Variants in CENPE observed in about 807,000 individuals in gnomAD.
CENPE encodes the protein centromere protein E.
CENPE carries 145 observed loss-of-function variants against 336.1 expected under a neutral mutation model. The observed-to-expected ratio is 0.43, with a 90% confidence interval of 0.38 to 0.50. The LOEUF (loss-of-function observed/expected upper bound fraction) is 0.50. CENPE is among the 20% of genes least tolerant of loss of function. The probability of loss-of-function intolerance (pLI) is 0.00; values close to 1 mark genes in which losing one functional copy is unlikely to be tolerated. For synonymous variants in CENPE, 1,013 were observed against 984.8 expected (o/e 1.03, Z -0.54); for missense variants, 2,719 against 3,023.3 (o/e 0.90, Z 2.36).
intron 46 of CENPE, among the ~76,000 whole-genome samples, chr4:103,114,139 G>C (rs1020426777): frequency 3.3e-5 from 5 of 152,144 alleles, no homozygotes; most frequent in Admixed American, 2.6e-4. Context: ...TTATTGGGAA[G>C]CATAATTCCA....
chr4:103,146,198 G>T, intron 29 of CENPE, 91 bp from the exon 30 acceptor site: 1 of 1,189,336 alleles, frequency 8.4e-7, no homozygotes, highest in Non-Finnish European at 1.2e-6. Flanking sequence ...AACAATTAAG[G>T]CAGGATTCAG....
In CENPE at chr4:103,197,712, A is replaced by G. The variant is rs551662439; in HGVS notation, c.56+552T>C. ...CCTACATATCACCACTTAACATCCT[A>G]CATTTTCAACTTTACTTTCTGTCTC... On this transcript the variant is annotated intron_variant, in intron 1 of 48. Transcript: ENST00000265148. 1.1e-4 allele frequency among the ~76,000 whole-genome samples: 16 copies of G among 152,306 alleles called. No individual in the cohort carries two copies. The South Asian group carries it at 3.3e-3, about 32-fold the overall frequency.
chr4:103,155,318 T>TC (rs1753876546), intron 24 of CENPE, among the ~76,000 whole-genome samples: 1 of 152,146 alleles, frequency 6.6e-6, no homozygotes, highest in African/African-American at 2.4e-5. Flanking sequence ...ATTATTTCTT[T>TC]CTTTTTTTTT....
rs1465940472 is a variant in CENPE at position 103,182,744 on chromosome 4, G to C, written c.963+18C>G. On this transcript the variant is annotated intron_variant, in intron 11 of 48. Transcript: ENST00000265148. ...CTGATCTTCCCCTATATTAAGCTGAGATAAAAATCAAACTCACCTGGAGAG... is the reference window on the plus strand; with the variant it reads ...CTGATCTTCCCCTATATTAAGCTGACATAAAAATCAAACTCACCTGGAGAG... The C allele has an allele frequency of 1.3e-6, 2 of 1,579,502 alleles. No homozygotes were observed. The highest frequency in any genetic ancestry group is 1.7e-6 in the Non-Finnish European group (2 of 1,161,532).
intron 21 of CENPE, among the ~76,000 whole-genome samples, chr4:103,159,837 T>C (rs139338486): frequency 6.6e-6 from 1 of 151,934 alleles, no homozygotes; most frequent in African/African-American, 2.4e-5. Flanking sequence ...TTTAAATAAT[T>C]ACATAATTTA....
At chr4:103,143,225 G>A in intron 34 of CENPE, 23 bp downstream of exon 34, 2 of 1,535,426 alleles carry the variant, frequency 1.3e-6, no homozygotes, top group Admixed American at 2.1e-5. Flanking sequence ...CTCAGTAACT[G>A]AGATAACTTA....
In CENPE at chr4:103,139,827, C is replaced by T; in HGVS notation, c.6166G>A (p.Asp2056Asn). 2 of 1,612,194 alleles carry T rather than the reference C, an allele frequency of 1.2e-6. No individual in the cohort carries two copies. The highest frequency in any genetic ancestry group is 1.7e-6 in the Non-Finnish European group (2 of 1,179,334). ...TCCCTTAAGGTTGCTATGAATTGGT[C>T]CCTTTCCATTTTGAGAGATTCTTTT... ...RIKESLKMER[D>N]QFIATLREMI... Residue 2056 changes from aspartate to asparagine, a missense_variant, in exon 38 of 49, where the codon GAC becomes AAC. Coordinates refer to ENST00000265148, the MANE Select transcript of CENPE (RefSeq NM_001813.3).
intron 13 of CENPE, among the ~76,000 whole-genome samples, chr4:103,178,371 T>A (rs1219895273): frequency 6.6e-6 from 1 of 152,150 alleles, no homozygotes; most frequent in African/African-American, 2.4e-5. Context: ...ACCCTTAGTA[T>A]CTCTGCAAAC....
intron 42 of CENPE, among the ~76,000 whole-genome samples, chr4:103,125,892 T>C (rs971871777): frequency 1.5e-5 from 2 of 133,806 alleles, no homozygotes; most frequent in Admixed American, 7.5e-5. Flanking sequence ...AAAAAAGGAG[T>C]TACCTAACAA....
intron 30 of CENPE, 25 bp from the exon 31 acceptor site, chr4:103,145,706 T>A: frequency 6.5e-7 from 1 of 1,546,412 alleles, no homozygotes; most frequent in Non-Finnish European, 8.7e-7. Flanking sequence ...GAAATTCCAA[T>A]AAATTTATAG....
At chr4:103,191,400 A>G (rs1757312182) in intron 8 of CENPE, among the ~76,000 whole-genome samples, 1 of 152,234 alleles carries the variant, frequency 6.6e-6, no homozygotes, top group South Asian at 2.1e-4. Flanking sequence ...AACCAACCCA[A>G]ATGTCCAACA....
In CENPE at chr4:103,198,228, C is replaced by A. The variant is rs1472201499; in HGVS notation, c.56+36G>T. 1.9e-6 allele frequency: 3 copies of A among 1,545,758 alleles called. No individual in the cohort carries two copies. The African/African-American group carries it at 4.1e-5, about 21-fold the overall frequency. On this transcript the variant is annotated intron_variant, in intron 1 of 48. Coordinates refer to ENST00000265148, the MANE Select transcript of CENPE (RefSeq NM_001813.3). Reference sequence around the variant, plus strand: ...CTCCGGCTCAGGGCGGCGCCGCAGGCCCAGCGGGCACCGGGCCGTGGTGTG... The same window carrying A: ...CTCCGGCTCAGGGCGGCGCCGCAGGACCAGCGGGCACCGGGCCGTGGTGTG...
chr4:103,142,703 AT>A (rs1327823432), intron 34 of CENPE, among the ~76,000 whole-genome samples: 1 of 151,978 alleles, frequency 6.6e-6, no homozygotes, highest in African/African-American at 2.4e-5. Flanking sequence ...TTTCCCTAAG[AT>A]CATTTTTTAC....
chr4:103,122,977 T>A lies in CENPE; in HGVS notation c.7037A>T (p.Tyr2346Phe), dbSNP rs771182826. The A allele has an allele frequency of 6.2e-7, 1 of 1,613,870 alleles. No homozygotes were observed. The highest frequency in any genetic ancestry group is 8.5e-7 in the Non-Finnish European group (1 of 1,179,782). ...KEKNEKLFKN[Y>F]QTLKTSLASG... is the part of the protein sequence containing the mutation. ...TGCCAAGGAAGTCTTCAATGTTTGG[T>A]AGTTTTTAAATAGTTTTTCATTTTT... Residue 2346 changes from tyrosine (Y) to phenylalanine (F), a missense_variant, in exon 43 of 49, where the codon TAC (tyrosine) becomes TTC (phenylalanine). Physicochemically the swap from Tyr to Phe is conservative, Grantham distance 22. Around this residue, in one of 5 missense-constraint regions of CENPE, gnomAD observed 2,437 missense variants for 2,513.3 expected, o/e 0.97. Coordinates refer to ENST00000265148, the MANE Select transcript of CENPE (RefSeq NM_001813.3).
intron 15 of CENPE, among the ~76,000 whole-genome samples, chr4:103,175,735 A>G (rs1301980684): frequency 6.6e-6 from 1 of 152,146 alleles, no homozygotes; most frequent in African/African-American, 2.4e-5. Context: ...ATCTGCTAGT[A>G]AAGAGCTAGA....
intron 42 of CENPE, among the ~76,000 whole-genome samples, chr4:103,123,738 G>A (rs1279169444): frequency 6.6e-6 from 1 of 152,156 alleles, no homozygotes; most frequent in African/African-American, 2.4e-5. Flanking sequence ...TCCAGTTGAT[G>A]ACAATGTGTT....
chr4:103,132,720 C>T lies in CENPE; in HGVS notation c.6897G>A (p.Val2299=), dbSNP rs765773336. Residue 2299 remains valine, a synonymous_variant, in exon 42 of 49, where the codon GTG becomes GTA. Coordinates refer to ENST00000265148, the MANE Select transcript of CENPE (RefSeq NM_001813.3). ...IQKENDRICQ[V]NNFFNNRIIA... ...TTATTCTGTTATTAAAGAAGTTATT[C>T]ACTTGACAAATCCTATCATTTTCTT... 2 of 1,552,744 alleles carry T rather than the reference C, an allele frequency of 1.3e-6. No homozygotes were observed. Among genetic ancestry groups the T allele is most frequent in the Non-Finnish European group, 1.8e-6 (2 of 1,133,960 alleles).
intron 44 of CENPE, among the ~76,000 whole-genome samples, chr4:103,117,881 G>C (rs1288326887): frequency 2.0e-5 from 3 of 152,078 alleles, no homozygotes; most frequent in Non-Finnish European, 4.4e-5. Context: ...GCCCGCCTCA[G>C]CCTCCCAAAG....
chr4:103,169,947 G>A (rs551274873), intron 16 of CENPE, among the ~76,000 whole-genome samples: 43 of 152,224 alleles, frequency 2.8e-4, no homozygotes, highest in African/African-American at 7.0e-4. Flanking sequence ...GGAATACTAC[G>A]CAGCCATAAA....
Sources: allele counts gnomAD v4.1 joint callset (sites outside exome capture counted in the v4.1 genomes callset), GRCh38; gene constraint gnomAD v4.1.1; regional missense constraint gnomAD v4.1.1; transcripts MANE v1.5; gene names NCBI Gene and HGNC (gene_info 2026-07-23, HGNC 2026-07-21).